Variants in DCC observed in about 807,000 individuals in gnomAD.
DCC encodes netrin receptor DCC.
A neutral mutation model predicts 172.5 loss-of-function variants in DCC; 58 were observed. That is an observed-to-expected ratio of 0.34 (90% CI 0.27 to 0.42). The LOEUF (loss-of-function observed/expected upper bound fraction) is 0.42. Among genes scored for constraint, DCC ranks in the 10% least tolerant of loss-of-function variants. The pLI, the probability that DCC is intolerant of heterozygous loss-of-function variation, is 1.00. For synonymous variants in DCC, 709 were observed against 644.5 expected, an observed-to-expected ratio of 1.10 and a Z score of -1.52; for missense variants, 1,740 against 1,791.0, an observed-to-expected ratio of 0.97 and a Z score of 0.51.
At chr18:52,394,101 C>T (rs899824151) in intron 1 of DCC, among the ~76,000 whole-genome samples, 3 of 152,078 alleles carry the variant, frequency 2.0e-5, no homozygotes, top group African/African-American at 7.2e-5. Context: ...ACAACAGGTG[C>T]AGCCTGAGAA....
At chr18:53,462,185 G>T (rs141053840) in intron 24 of DCC, among the ~76,000 whole-genome samples, 225 of 152,258 alleles carry the variant, frequency 1.5e-3, no homozygotes, top group African/African-American at 5.0e-3. Context: ...ATTTATGGCA[G>T]GGGTACTCAA....
chr18:52,407,473 T>C (rs1462533249), intron 1 of DCC, among the ~76,000 whole-genome samples: 1 of 152,058 alleles, frequency 6.6e-6, no homozygotes, highest in East Asian at 1.9e-4. Context: ...CATACTCCAA[T>C]TACTTCCTTG....
chr18:53,197,876 G>A (rs372225217), intron 9 of DCC, among the ~76,000 whole-genome samples: 1 of 152,056 alleles, frequency 6.6e-6, no homozygotes, highest in Non-Finnish European at 1.5e-5. Context: ...GATAAAAAGT[G>A]TATTAATTCA....
chr18:53,266,847 T>G (rs567381120), intron 12 of DCC, among the ~76,000 whole-genome samples: 3 of 152,084 alleles, frequency 2.0e-5, no homozygotes, highest in African/African-American at 7.2e-5. Flanking sequence ...TTGGAGCACG[T>G]GCCAATATTT....
chr18:52,641,519 A>G (rs1459041531), intron 1 of DCC, among the ~76,000 whole-genome samples: 1 of 152,188 alleles, frequency 6.6e-6, no homozygotes, highest in African/African-American at 2.4e-5. Flanking sequence ...ATCTGTAAGA[A>G]AAAAACAAAC....
At chr18:52,886,667 G>C (rs867598666) in intron 2 of DCC, among the ~76,000 whole-genome samples, 1 of 152,144 alleles carries the variant, frequency 6.6e-6, no homozygotes, top group Admixed American at 6.5e-5. Context: ...CTGGGAAAAG[G>C]GGGAGGGATG....
At chr18:53,203,554 G>A (rs2055578119) in intron 9 of DCC, among the ~76,000 whole-genome samples, 1 of 152,166 alleles carries the variant, frequency 6.6e-6, no homozygotes, top group African/African-American at 2.4e-5. Context: ...ATGAATGTAT[G>A]AGCAGTGATA....
intron 12 of DCC, among the ~76,000 whole-genome samples, chr18:53,231,546 TATA>T (rs2056121510): frequency 6.6e-6 from 1 of 152,114 alleles, no homozygotes; most frequent in African/African-American, 2.4e-5. Context: ...TGACCAATGA[TATA>T]ATGAGTTTGA....
At chr18:52,827,727 C>T (rs1391624836) in intron 2 of DCC, among the ~76,000 whole-genome samples, 2 of 152,188 alleles carry the variant, frequency 1.3e-5, no homozygotes, top group African/African-American at 2.4e-5. Flanking sequence ...CATTTCTTCT[C>T]TAGAAAAATA....
At chr18:52,833,541 G>A (rs532496469) in intron 2 of DCC, among the ~76,000 whole-genome samples, 1 of 152,118 alleles carries the variant, frequency 6.6e-6, no homozygotes, top group Non-Finnish European at 1.5e-5. Flanking sequence ...TCCCATCCCA[G>A]AGTCTCAGAT....
intron 5 of DCC, 57 bp from the exon 6 acceptor site, chr18:53,063,248 A>C: frequency 6.6e-7 from 1 of 1,510,516 alleles, no homozygotes; most frequent in Non-Finnish European, 9.2e-7. Flanking sequence ...AGACCTCAGC[A>C]GCATGCAAGT....
intron 9 of DCC, among the ~76,000 whole-genome samples, chr18:53,195,875 T>C (rs892183013): frequency 1.3e-5 from 2 of 152,246 alleles, no homozygotes; most frequent in Admixed American, 6.5e-5. Flanking sequence ...TGATTATATA[T>C]GATATATTGT....
intron 11 of DCC, among the ~76,000 whole-genome samples, chr18:53,211,229 C>G (rs554821412): frequency 2.0e-4 from 31 of 152,236 alleles, no homozygotes; most frequent in African/African-American, 7.2e-4. Flanking sequence ...AGTACTTTGC[C>G]TTTACCTTTC....
chr18:52,641,376 A>G (rs1334804371), intron 1 of DCC, among the ~76,000 whole-genome samples: 2 of 152,222 alleles, frequency 1.3e-5, no homozygotes, highest in African/African-American at 4.8e-5. Flanking sequence ...ACCTAATTAA[A>G]CTAAAGAGTT....
At chr18:52,577,973 G>T (rs1170538843) in intron 1 of DCC, among the ~76,000 whole-genome samples, 1 of 152,180 alleles carries the variant, frequency 6.6e-6, no homozygotes, top group African/African-American at 2.4e-5. Flanking sequence ...GCTTTGGAAT[G>T]ATTTATATGC....
intron 5 of DCC, among the ~76,000 whole-genome samples, chr18:52,967,326 G>C (rs1317327804): frequency 6.6e-6 from 1 of 152,278 alleles, no homozygotes; most frequent in South Asian, 2.1e-4. Flanking sequence ...AGTTAACTGA[G>C]TATGGTTGGC....
At chr18:52,863,721 G>T (rs990560741) in intron 2 of DCC, among the ~76,000 whole-genome samples, 2 of 151,738 alleles carry the variant, frequency 1.3e-5, no homozygotes, top group African/African-American at 4.8e-5. Flanking sequence ...CTCATTTACA[G>T]CTATTTAATC....
At chr18:52,733,318 AAATTGACAAGG>A (rs1200688166) in intron 1 of DCC, among the ~76,000 whole-genome samples, 1 of 152,150 alleles carries the variant, frequency 6.6e-6, no homozygotes, top group Non-Finnish European at 1.5e-5. Context: ...GTCACGTTGC[AAATTGACAAGG>A]AAGTCAATAC....
intron 15 of DCC, among the ~76,000 whole-genome samples, chr18:53,374,704 C>T (rs183356055): frequency 6.6e-6 from 1 of 152,036 alleles, no homozygotes; most frequent in East Asian, 1.9e-4. Flanking sequence ...ATACACGTAC[C>T]CACACACATA....
Sources: allele counts gnomAD v4.1 joint callset (sites outside exome capture counted in the v4.1 genomes callset), GRCh38; gene constraint gnomAD v4.1.1; transcripts MANE v1.5; gene names NCBI Gene and HGNC (gene_info 2026-07-23, HGNC 2026-07-21).